The following TRIM58 variants were observed in gnomAD, a reference collection of about 807,000 sequenced individuals.
TRIM58 encodes E3 ubiquitin-protein ligase TRIM58.
TRIM58 carries 38 observed loss-of-function variants against 34.1 expected under a neutral mutation model. The ratio of observed to expected loss-of-function variants is 1.12; its 90% confidence interval spans 0.86 to 1.46. The LOEUF (loss-of-function observed/expected upper bound fraction) is 1.46. TRIM58 is among the 40% of genes most tolerant of loss of function. TRIM58 has a pLI of 0.00. For missense variants in TRIM58, 677 were observed against 642.0 expected (o/e 1.05, Z -0.59); for synonymous variants, 273 against 275.7 (o/e 0.99, Z 0.10).
chr1:247,858,325 C>T (rs1286932181), intron 1 of TRIM58, among the ~76,000 whole-genome samples: 1 of 152,094 alleles, frequency 6.6e-6, no homozygotes, highest in Non-Finnish European at 1.5e-5. Context: ...AGAAGAAAAA[C>T]AAAATGGGAG....
In TRIM58 at chr1:247,876,361, C is replaced by T. The variant is rs954995992; in HGVS notation, c.1333C>T (p.Arg445Trp). 13 of 1,614,094 alleles carry T rather than the reference C, an allele frequency of 8.1e-6. No individual in the cohort carries two copies. The highest frequency in any genetic ancestry group is 4.0e-5 in the African/African-American group (3 of 74,924). Residue 445 changes from arginine to tryptophan, a missense_variant, in exon 6 of 6, where the codon CGG (arginine) becomes TGG (tryptophan). Arg to Trp is a moderately radical substitution (Grantham distance 101, BLOSUM62 -3). Coordinates refer to ENST00000366481, the MANE Select transcript of TRIM58 (RefSeq NM_015431.4). Reference sequence around the variant, plus strand: ...CAACCAACTCTTCTCTGGTCTTCTTCGGCCTTACTTTTTCATCTGTGATGC... The same window carrying T: ...CAACCAACTCTTCTCTGGTCTTCTTTGGCCTTACTTTTTCATCTGTGATGC... ...TFNQLFSGLL[R>W]PYFFICDATP...
At chr1:247,858,463 A>G (rs12354406) in intron 1 of TRIM58, among the ~76,000 whole-genome samples, 21,846 of 152,192 alleles carry the variant, frequency 0.14, 1,699 homozygotes, top group Admixed American at 0.17. Context: ...GCCAGCACAG[A>G]GGAGGTCTAA....
chr1:247,868,449 T>C (rs1663980102), intron 5 of TRIM58, among the ~76,000 whole-genome samples: 1 of 152,178 alleles, frequency 6.6e-6, no homozygotes, highest in African/African-American at 2.4e-5. Context: ...GTCACCAAAA[T>C]GTGTGGGGAT....
intron 3 of TRIM58, among the ~76,000 whole-genome samples, chr1:247,866,844 C>A (rs1467063760): frequency 3.9e-5 from 6 of 152,112 alleles, no homozygotes; most frequent in Non-Finnish European, 8.8e-5. Flanking sequence ...TTTCCTTTCC[C>A]TTTCTTCCCT....
At chr1:247,859,436 C>T (rs59539472) in intron 1 of TRIM58, among the ~76,000 whole-genome samples, 12,742 of 152,052 alleles carry the variant, frequency 0.084, 656 homozygotes, top group East Asian at 0.2. Flanking sequence ...CTTTTAAAAA[C>T]AATTGATGTG....
intron 5 of TRIM58, among the ~76,000 whole-genome samples, chr1:247,869,317 G>T (rs980902091): frequency 1.3e-5 from 2 of 152,170 alleles, no homozygotes; most frequent in Non-Finnish European, 2.9e-5. Context: ...AGAGGTGGGG[G>T]GGGGTGAGGC....
intron 1 of TRIM58, among the ~76,000 whole-genome samples, chr1:247,858,845 C>A (rs1042885019): frequency 6.7e-6 from 1 of 148,988 alleles, no homozygotes; most frequent in Non-Finnish European, 1.5e-5. Context: ...ATTGCAACCT[C>A]CGTCTCCCGG....
Position 247,857,221 on chromosome 1 carries a change from G to A in TRIM58, c.-26G>A, listed in dbSNP as rs377284140. 1,618 of 1,308,066 alleles carry A rather than the reference G, an allele frequency of 1.2e-3. No individual in the cohort carries two copies. The highest frequency in any genetic ancestry group is 1.5e-3 in the Non-Finnish European group (1,509 of 1,022,732). 81.0% of individuals were successfully genotyped at this position (1,308,066 alleles called of 1,614,324 possible). A position where few individuals can be genotyped will look rare whatever the true frequency, so the allele number is the denominator to read the frequency against. On this transcript the variant is annotated 5_prime_UTR_variant, in exon 1 of 6. Coordinates refer to ENST00000366481, the MANE Select transcript of TRIM58 (RefSeq NM_015431.4). ...GAGGGGAGACGGTGCGGGCGGCCGGGAGCGCAGCCCTCCGGGAGGCGGGTC... is the reference window on the plus strand; with the variant it reads ...GAGGGGAGACGGTGCGGGCGGCCGGAAGCGCAGCCCTCCGGGAGGCGGGTC...
chr1:247,859,026 A>G (rs971694809), intron 1 of TRIM58, among the ~76,000 whole-genome samples: 5 of 151,952 alleles, frequency 3.3e-5, no homozygotes, highest in African/African-American at 1.2e-4. Flanking sequence ...TGGCCTCCCA[A>G]AGTGCTGGTG....
At position 247,879,638 on chromosome 1, in the gene TRIM58, A is replaced by T. The variant is rs545644258; in HGVS notation, c.*3149A>T. On this transcript the variant is annotated 3_prime_UTR_variant, in exon 6 of 6. Transcript: ENST00000366481. ...CATCCCTCCTCTGATTATCTCTCCC[A>T]CCCCCACTTCCCTTTGCATTCTGCT... is the stretch of plus-strand genomic sequence containing the variant. 6.5e-5 allele frequency among the ~76,000 whole-genome samples: 9 copies of T among 137,664 alleles called. No individual in the cohort carries two copies. Among genetic ancestry groups the T allele is most frequent in the Admixed American group, 5.2e-4 (7 of 13,512 alleles). 90.3% of individuals were successfully genotyped at this position (137,664 alleles called of 152,430 possible).
rs146992716 is a variant in TRIM58 at position 247,864,813 on chromosome 1, C to G, written c.625C>G (p.Arg209Gly). 1 of 1,613,874 alleles carries G rather than the reference C, an allele frequency of 6.2e-7. No individual in the cohort carries two copies. Among genetic ancestry groups the G allele is most frequent in the Non-Finnish European group, 8.5e-7 (1 of 1,179,992 alleles). Residue 209 changes from arginine (R) to glycine (G), a missense_variant, in exon 3 of 6, where the codon CGA becomes GGA. Transcript: ENST00000366481. Reference protein sequence around the residue: ...RQLRRLEAEERATLQRLRESK... With the variant: ...RQLRRLEAEEGATLQRLRESK... ...GCTGAGGCGGCTGGAGGCGGAGGAGCGAGCGACGCTGCAGAGACTGCGGGA... is the reference window on the plus strand; with the variant it reads ...GCTGAGGCGGCTGGAGGCGGAGGAGGGAGCGACGCTGCAGAGACTGCGGGA...
chr1:247,860,853 G>A (rs186072299), intron 2 of TRIM58, 141 bp downstream of exon 2: 1 of 602,842 alleles, frequency 1.7e-6, no homozygotes, highest in Admixed American at 3.2e-5. Context: ...AGCCATCCTG[G>A]GTCATCCCGT....
chr1:247,864,995 A>T, intron 3 of TRIM58, 60 bp downstream of exon 3: 1 of 1,413,236 alleles, frequency 7.1e-7, no homozygotes, highest in Non-Finnish European at 9.5e-7. Flanking sequence ...AGACTAGTAC[A>T]ATGGCTTTCA....
rs572847534 is a variant in TRIM58 at position 247,861,964 on chromosome 1, A to G, written c.516+1252A>G. 2.0e-5 allele frequency among the ~76,000 whole-genome samples: 3 copies of G among 152,220 alleles called. No homozygotes were observed. In the East Asian group the frequency reaches 5.8e-4, roughly 29 times the overall value. The stretch of plus-strand genomic sequence containing the variant: ...CACGGAGAAACCCCGTCTCTACTAA[A>G]AATACAAAAAAAAATTAGCCAGGCG... On this transcript the variant is annotated intron_variant, in intron 2 of 5. Transcript: ENST00000366481.
rs1434570861 is a variant in TRIM58 at position 247,878,874 on chromosome 1, C to T, written c.*2385C>T. ...CAGTCAGTAAACCAATGTGAGTCTT[C>T]ATCTCTTGCATTCTTAGGTTCATAG... is the stretch of plus-strand genomic sequence containing the variant. On this transcript the variant is annotated 3_prime_UTR_variant, in exon 6 of 6. Transcript: ENST00000366481. Among the ~76,000 whole-genome samples the T allele has an allele frequency of 6.6e-6, 1 of 152,154 alleles. No homozygotes were observed. Among genetic ancestry groups the T allele is most frequent in the Non-Finnish European group, 1.5e-5 (1 of 68,024 alleles).
chr1:247,865,607 G>A (rs1663900334), intron 3 of TRIM58, among the ~76,000 whole-genome samples: 1 of 152,194 alleles, frequency 6.6e-6, no homozygotes, highest in South Asian at 2.1e-4. Context: ...GGGATTACGT[G>A]GACTCCCGTG....
In TRIM58 at chr1:247,876,796, T is replaced by C. The variant is rs886582251; in HGVS notation, c.*307T>C. 2.1e-5 allele frequency: 7 copies of C among 326,850 alleles called. No individual in the cohort carries two copies. Among genetic ancestry groups the C allele is most frequent in the African/African-American group, 1.3e-4 (6 of 47,000 alleles). 20.2% of individuals were successfully genotyped at this position (326,850 alleles called of 1,614,324 possible). A position where few individuals can be genotyped will look rare whatever the true frequency, so the allele number is the denominator to read the frequency against. On this transcript the variant is annotated 3_prime_UTR_variant, in exon 6 of 6. Transcript: ENST00000366481. ...ATTTCTATGCATTCATTATAATTTGTTATTCCTTTCAATATCCTTGTATTT... is the reference window on the plus strand; with the variant it reads ...ATTTCTATGCATTCATTATAATTTGCTATTCCTTTCAATATCCTTGTATTT...
intron 1 of TRIM58, among the ~76,000 whole-genome samples, chr1:247,858,871 A>G (rs1410960387): frequency 2.0e-5 from 3 of 147,482 alleles, no homozygotes; most frequent in Non-Finnish European, 3.0e-5. Context: ...GGTGCAAGCA[A>G]TTCTCCTGCC....
intron 1 of TRIM58, among the ~76,000 whole-genome samples, chr1:247,858,804 A>G (rs1342861229): frequency 8.4e-6 from 1 of 118,886 alleles, no homozygotes; most frequent in Non-Finnish European, 1.6e-5. Context: ...TCTGTAGCTC[A>G]GGCTGGAGGG....
Sources: allele counts gnomAD v4.1 joint callset (sites outside exome capture counted in the v4.1 genomes callset), GRCh38; gene constraint gnomAD v4.1.1; transcripts MANE v1.5; gene names NCBI Gene and HGNC (gene_info 2026-07-23, HGNC 2026-07-21).